The following ATIC variants were observed in gnomAD, a reference collection of about 807,000 sequenced individuals.
ATIC encodes bifunctional purine biosynthesis protein ATIC.
In ATIC, 64 loss-of-function variants were observed where a neutral mutation model predicts 72.5. That is an observed-to-expected ratio of 0.88 (90% confidence interval 0.72 to 1.09). The LOEUF (loss-of-function observed/expected upper bound fraction) is 1.09. Among genes scored for constraint, ATIC ranks in the 50% least tolerant of loss-of-function variants. ATIC has a pLI of 0.00. For missense variants in ATIC, 787 were observed against 732.4 expected, an observed-to-expected ratio of 1.07 and a Z score of -0.86; for synonymous variants, 281 against 267.1, an observed-to-expected ratio of 1.05 and a Z score of -0.51.
chr2:215,315,954 C>CA (rs1165120321), intron 2 of ATIC, among the ~76,000 whole-genome samples: 1,501 of 110,404 alleles, frequency 0.014, 11 homozygotes, highest in Middle Eastern at 0.033. Flanking sequence ...AACACTGTCT[C>CA]AAAAAAAAAA....
rs781187321 is a variant in ATIC, at chr2:215,332,530, G to A, written c.814+23G>A. ...CAGGTAAAGCTCTGTGCTCTGGAAA[G>A]CTCCAGAATTGTTCGAAAGGCATTT... is the stretch of plus-strand genomic sequence containing the variant. On this transcript the variant is annotated intron_variant, in intron 8 of 15. Coordinates refer to ENST00000236959, the MANE Select transcript of ATIC (RefSeq NM_004044.7). 3.1e-6 allele frequency: 5 copies of A among 1,612,486 alleles called. No individual in the cohort carries two copies. The South Asian group carries it at 5.5e-5, about 18-fold the overall frequency.
At chr2:215,324,991 G>A (rs1479843537) in intron 4 of ATIC, among the ~76,000 whole-genome samples, 11 of 152,112 alleles carry the variant, frequency 7.2e-5, no homozygotes, top group Admixed American at 5.9e-4. Flanking sequence ...GCAGTGTGAC[G>A]TGGAGGGAGT....
intron 7 of ATIC, among the ~76,000 whole-genome samples, chr2:215,327,855 C>T (rs558610491): frequency 3.3e-5 from 5 of 150,486 alleles, no homozygotes; most frequent in Non-Finnish European, 5.9e-5. Flanking sequence ...AGTTTCTTCA[C>T]GTTTGCCGCG....
chr2:215,361,570 TTC>T, the ATIC span: 1 of 1,608,738 alleles, frequency 6.2e-7, no homozygotes, highest in Non-Finnish European at 8.5e-7. Context: ...CTCGGGAATC[TTC>T]TCTGTCAGCC....
At chr2:215,335,817 G>A (rs764631749) in intron 10 of ATIC, among the ~76,000 whole-genome samples, 7 of 152,130 alleles carry the variant, frequency 4.6e-5, no homozygotes, top group Non-Finnish European at 1.0e-4. Flanking sequence ...AAACTGAAAC[G>A]AACAAAAACT....
intron 10 of ATIC, 79 bp from the exon 11 acceptor site, chr2:215,335,956 C>A: frequency 8.9e-7 from 1 of 1,120,060 alleles, no homozygotes; most frequent in Non-Finnish European, 1.3e-6. Context: ...TTATTTAAGA[C>A]TGATAATTGC....
chr2:215,360,553 A>G, the ATIC span: 2 of 152,224 alleles, frequency 1.3e-5, no homozygotes, highest in Non-Finnish European at 2.9e-5. Context: ...GAAGAATTAC[A>G]ATGGTTAGAA....
At chr2:215,333,074 G>A (rs3821354) in intron 8 of ATIC, among the ~76,000 whole-genome samples, 20,190 of 152,130 alleles carry the variant, frequency 0.13, 1,706 homozygotes, top group South Asian at 0.23. Context: ...GAGTGAGTCA[G>A]TAATGAAGTA....
Position 215,334,920 on chromosome 2 carries a change from G to A in ATIC, c.924G>A (p.Gly308=), listed in dbSNP as rs763160602. ...PISAAYARAR[G]ADRMSSFGDF... is the part of the protein sequence containing the mutation. ...ACCTCATTTTAATTTTATTTACAGG[G>A]GCTGATAGGATGTCTTCATTTGGTG... Residue 308 remains glycine (G), a splice_region_variant and synonymous_variant, in exon 10 of 16, where the codon GGG becomes GGA. Coordinates refer to ENST00000236959, the MANE Select transcript of ATIC (RefSeq NM_004044.7). 3.1e-6 allele frequency: 5 copies of A among 1,612,566 alleles called. No homozygotes were observed. The Admixed American group carries it at 8.3e-5, about 27-fold the overall frequency.
At chr2:215,324,585 T>G (rs1337727787) in intron 4 of ATIC, among the ~76,000 whole-genome samples, 1 of 152,240 alleles carries the variant, frequency 6.6e-6, no homozygotes, top group African/African-American at 2.4e-5. Context: ...GTTTTTGTTT[T>G]TTTTAATTAG....
chr2:215,338,432 G>C (rs1490352495), intron 11 of ATIC, among the ~76,000 whole-genome samples: 1 of 152,114 alleles, frequency 6.6e-6, no homozygotes, highest in Non-Finnish European at 1.5e-5. Flanking sequence ...AACCATATAG[G>C]TAGTAACTTA....
chr2:215,362,409 A>G, the ATIC span: 1 of 326,474 alleles, frequency 3.1e-6, no homozygotes, highest in Non-Finnish European at 5.9e-6. Flanking sequence ...ATGATAGAAA[A>G]GGTTTTCAAA....
chr2:215,333,999 G>A (rs1481209725), intron 9 of ATIC, among the ~76,000 whole-genome samples: 4 of 150,444 alleles, frequency 2.7e-5, no homozygotes, highest in Admixed American at 6.6e-5. Context: ...CCAAGATAGC[G>A]CCAGTGCACT....
intron 1 of ATIC, 69 bp from the exon 2 acceptor site, chr2:215,312,429 C>T: frequency 1.2e-6 from 2 of 1,612,592 alleles, no homozygotes; most frequent in Non-Finnish European, 1.7e-6. Flanking sequence ...TCCCCCAGAC[C>T]CTCCCAAGGC....
chr2:215,331,004 G>A (rs556676740), intron 7 of ATIC, among the ~76,000 whole-genome samples: 1 of 152,234 alleles, frequency 6.6e-6, no homozygotes, highest in African/African-American at 2.4e-5. Context: ...ATATTTCACT[G>A]TGTATGAATG....
At chr2:215,315,200 G>C (rs1299959782) in intron 2 of ATIC, among the ~76,000 whole-genome samples, 1 of 152,188 alleles carries the variant, frequency 6.6e-6, no homozygotes, top group African/African-American at 2.4e-5. Flanking sequence ...CTCCTAGACA[G>C]AAAGCCAGTG....
chr2:215,347,598 A>T (rs752670431), intron 14 of ATIC: 1 of 490,882 alleles, frequency 2.0e-6, no homozygotes, highest in African/African-American at 1.9e-5. Flanking sequence ...GAGCCAATTG[A>T]CTACCCTCAG....
rs1575113400 is a variant in ATIC, at chr2:215,318,366, T to C, written c.223+133T>C. The C allele has an allele frequency of 5.8e-6, 5 of 863,104 alleles. No homozygotes were observed. In the East Asian group the frequency reaches 1.3e-4, roughly 22 times the overall value. 53.5% of individuals were successfully genotyped at this position (863,104 alleles called of 1,614,324 possible). A position where few individuals can be genotyped will look rare whatever the true frequency, so the allele number is the denominator to read the frequency against. ...TATAAAGTTAATGTTATGAAGTTGCTGCCAGATTTCATAATACGTTAGAAC... is the reference window on the plus strand; with the variant it reads ...TATAAAGTTAATGTTATGAAGTTGCCGCCAGATTTCATAATACGTTAGAAC... On this transcript the variant is annotated intron_variant, in intron 3 of 15. Coordinates refer to ENST00000236959, the MANE Select transcript of ATIC (RefSeq NM_004044.7).
intron 7 of ATIC, among the ~76,000 whole-genome samples, chr2:215,327,688 G>C (rs1559271329): frequency 1.3e-5 from 2 of 152,112 alleles, no homozygotes; most frequent in Non-Finnish European, 2.9e-5. Flanking sequence ...AGCACTACCG[G>C]TGCAGCTGGC....
Sources: gnomAD v4.1 joint callset for allele counts (sites outside exome capture counted in the v4.1 genomes callset) on GRCh38, gnomAD v4.1.1 for gene constraint, MANE v1.5 for transcripts, NCBI Gene and HGNC (gene_info 2026-07-23, HGNC 2026-07-21) for gene names.